Variants in MAP4K4 observed in about 807,000 individuals in gnomAD.
MAP4K4 encodes the protein mitogen-activated protein kinase kinase kinase kinase 4, also known as HPK/GCK-like kinase HGK.
Under a neutral mutation model 189.6 loss-of-function variants are expected in MAP4K4, and 38 were observed. That is an observed-to-expected ratio of 0.20 (90% CI 0.15 to 0.26). The LOEUF is 0.26. Ranked by LOEUF, MAP4K4 falls within the 10% of genes least tolerant of loss-of-function variation. MAP4K4 has a pLI of 1.00. For synonymous variants in MAP4K4, 610 were observed against 624.3 expected, an observed-to-expected ratio of 0.98 and a Z score of 0.34; for missense variants, 1,054 against 1,726.9, an observed-to-expected ratio of 0.61 and a Z score of 6.91.
At chr2:101,765,115 C>G (rs547198036) in intron 2 of MAP4K4, among the ~76,000 whole-genome samples, 1 of 152,060 alleles carries the variant, frequency 6.6e-6, no homozygotes, top group African/African-American at 2.4e-5. Flanking sequence ...GTGAGACCTT[C>G]CATAAGGCAA....
At chr2:101,737,668 C>T (rs1489693990) in intron 2 of MAP4K4, among the ~76,000 whole-genome samples, 1 of 151,198 alleles carries the variant, frequency 6.6e-6, no homozygotes, top group Non-Finnish European at 1.5e-5. Context: ...CCATTCTCTG[C>T]CACTCCTTTT....
At chr2:101,799,691 TC>T (rs1296755117) in intron 3 of MAP4K4, among the ~76,000 whole-genome samples, 2 of 152,152 alleles carry the variant, frequency 1.3e-5, no homozygotes, top group Non-Finnish European at 2.9e-5. Flanking sequence ...AGCCTGGACT[TC>T]CTGGGCTCAA....
At chr2:101,702,693 A>G (rs1345328552) in intron 2 of MAP4K4, among the ~76,000 whole-genome samples, 1 of 152,182 alleles carries the variant, frequency 6.6e-6, no homozygotes, top group African/African-American at 2.4e-5. Context: ...CAGCAGGTAA[A>G]ATGTCTGAAA....
At chr2:101,759,089 C>T (rs927901476) in intron 2 of MAP4K4, among the ~76,000 whole-genome samples, 8 of 150,294 alleles carry the variant, frequency 5.3e-5, no homozygotes, top group South Asian at 4.2e-4. Context: ...GCCGAGATCG[C>T]GTCACTGCAC....
intron 3 of MAP4K4, among the ~76,000 whole-genome samples, chr2:101,823,058 G>A (rs999815809): frequency 6.6e-6 from 1 of 152,132 alleles, no homozygotes; most frequent in Non-Finnish European, 1.5e-5. Flanking sequence ...TATATAACAA[G>A]GAACAGAATG....
intron 3 of MAP4K4, among the ~76,000 whole-genome samples, chr2:101,800,141 A>T (rs7557797): frequency 0.011 from 1,609 of 151,810 alleles, 38 homozygotes; most frequent in African/African-American, 0.037. Context: ...AAAAATAATA[A>T]TTTTTTGAGA....
intron 3 of MAP4K4, among the ~76,000 whole-genome samples, chr2:101,796,254 C>T (rs529312553): frequency 1.1e-4 from 16 of 152,198 alleles, no homozygotes; most frequent in Admixed American, 8.5e-4. Context: ...GCAGCTGCTG[C>T]GAGTACTTGG....
chr2:101,713,199 C>T (rs1203625858), intron 2 of MAP4K4, among the ~76,000 whole-genome samples: 5 of 152,052 alleles, frequency 3.3e-5, no homozygotes, highest in Non-Finnish European at 7.4e-5. Context: ...TGAACCACTG[C>T]GCCTGGCCTT....
At chr2:101,778,617 C>G (rs191950452) in intron 2 of MAP4K4, among the ~76,000 whole-genome samples, 1 of 151,994 alleles carries the variant, frequency 6.6e-6, no homozygotes, top group Non-Finnish European at 1.5e-5. Context: ...TAAGAGGAGT[C>G]GGAGAGGATC....
chr2:101,793,787 C>T (rs2093324962), intron 3 of MAP4K4, among the ~76,000 whole-genome samples: 1 of 152,086 alleles, frequency 6.6e-6, no homozygotes, highest in African/African-American at 2.4e-5. Context: ...GAGCTGTCAG[C>T]TGTTGGCAGG....
chr2:101,854,533 A>G (rs1424006250), intron 12 of MAP4K4, among the ~76,000 whole-genome samples: 1 of 152,182 alleles, frequency 6.6e-6, no homozygotes, highest in Non-Finnish European at 1.5e-5. Context: ...TAGTCAGGTG[A>G]GAGAGACTGG....
intron 7 of MAP4K4, among the ~76,000 whole-genome samples, chr2:101,833,363 G>A (rs1166720212): frequency 6.6e-6 from 1 of 152,284 alleles, no homozygotes; most frequent in Middle Eastern, 3.4e-3. Context: ...GCTCACGCCT[G>A]TAATCCCAGC....
At chr2:101,761,906 C>T (rs1053845063) in intron 2 of MAP4K4, among the ~76,000 whole-genome samples, 5 of 152,094 alleles carry the variant, frequency 3.3e-5, no homozygotes, top group Admixed American at 6.5e-5. Context: ...CCACCCTCAC[C>T]GAGCTACATT....
chr2:101,749,304 A>G (rs1054240785), intron 2 of MAP4K4, among the ~76,000 whole-genome samples: 2 of 150,942 alleles, frequency 1.3e-5, no homozygotes, highest in African/African-American at 4.8e-5. Context: ...ACTGGTACCA[A>G]AACAGAGATA....
chr2:101,876,253 G>T (rs997699157), intron 26 of MAP4K4, among the ~76,000 whole-genome samples: 36 of 152,144 alleles, frequency 2.4e-4, no homozygotes, highest in African/African-American at 8.0e-4. Context: ...CTCATGCACA[G>T]GTGGGTGGGT....
intron 2 of MAP4K4, among the ~76,000 whole-genome samples, chr2:101,763,834 TAAA>T (rs1228871739): frequency 6.6e-6 from 1 of 152,088 alleles, no homozygotes; most frequent in Non-Finnish European, 1.5e-5. Context: ...GCCTTTAACT[TAAA>T]AAGCTCTCTC....
chr2:101,750,669 A>G (rs980236896), intron 2 of MAP4K4, among the ~76,000 whole-genome samples: 7 of 152,002 alleles, frequency 4.6e-5, no homozygotes, highest in Admixed American at 2.0e-4. Context: ...TATATAAAAA[A>G]AAAAAGTTAG....
At chr2:101,871,218 A>G (rs1303836594) in intron 23 of MAP4K4, among the ~76,000 whole-genome samples, 1 of 152,110 alleles carries the variant, frequency 6.6e-6, no homozygotes, top group Non-Finnish European at 1.5e-5. Flanking sequence ...AAAAAAGGAT[A>G]CTGGTTTTGG....
At chr2:101,701,062 C>T (rs1422961866) in intron 2 of MAP4K4, among the ~76,000 whole-genome samples, 1 of 152,064 alleles carries the variant, frequency 6.6e-6, no homozygotes, top group Non-Finnish European at 1.5e-5. Context: ...TTGAGAAATA[C>T]TTGTTGCTGA....
Sources: gnomAD v4.1 joint callset for allele counts (sites outside exome capture counted in the v4.1 genomes callset) on GRCh38, gnomAD v4.1.1 for gene constraint, MANE v1.5 for transcripts, NCBI Gene and HGNC (gene_info 2026-07-23, HGNC 2026-07-21) for gene names.